CPEB1: variants seen among roughly 807,000 people sequenced by gnomAD.
The protein encoded by CPEB1 is cytoplasmic polyadenylation element-binding protein 1.
Under a neutral mutation model 65.8 loss-of-function variants are expected in CPEB1, and 7 were observed. That is an observed-to-expected ratio of 0.11 (90% confidence interval 0.06 to 0.20). The LOEUF (loss-of-function observed/expected upper bound fraction) is 0.20. CPEB1 is among the 10% of genes least tolerant of loss of function. The pLI, the probability that CPEB1 is intolerant of heterozygous loss-of-function variation, is 1.00. For missense variants in CPEB1, 551 were observed against 712.2 expected, an observed-to-expected ratio of 0.77 and a Z score of 2.58; for synonymous variants, 262 against 260.0, an observed-to-expected ratio of 1.01 and a Z score of -0.08.
rs1021425618 is a variant in CPEB1, at chr15:82,623,688, T to C, written c.271+3505A>G. Among the ~76,000 whole-genome samples, 8 of 151,938 alleles carry C rather than the reference T, an allele frequency of 5.3e-5. No individual in the cohort carries two copies. In the East Asian group the frequency reaches 1.5e-3, roughly 29 times the overall value. ...GGGACTCCGTCTCAGGAAAAAAAAA[T>C]TACCCATAATTTTTTTCTGCTATTA... is the stretch of plus-strand genomic sequence containing the variant. On this transcript the variant is annotated intron_variant, in intron 3 of 12. Transcript: ENST00000684509.
At chr15:82,635,808 G>T (rs1297019853) in intron 1 of CPEB1, among the ~76,000 whole-genome samples, 1 of 152,168 alleles carries the variant, frequency 6.6e-6, no homozygotes, top group Admixed American at 6.5e-5. Flanking sequence ...AGATGTTTTG[G>T]CTAGAGAATA....
chr15:82,585,129 G>A (rs1234508611), intron 3 of CPEB1, among the ~76,000 whole-genome samples: 1 of 151,944 alleles, frequency 6.6e-6, no homozygotes, highest in Non-Finnish European at 1.5e-5. Context: ...TGACTTTGGA[G>A]GGCATTTAGC....
intron 1 of CPEB1, among the ~76,000 whole-genome samples, chr15:82,636,017 C>A (rs1282973811): frequency 6.6e-6 from 1 of 152,112 alleles, no homozygotes; most frequent in African/African-American, 2.4e-5. Context: ...ATAAATCCAT[C>A]AACAGATACA....
intron 10 of CPEB1, 119 bp downstream of exon 10, chr15:82,549,341 A>T: frequency 1.1e-6 from 1 of 907,666 alleles, no homozygotes; most frequent in Non-Finnish European, 1.7e-6. Flanking sequence ...TGGTGCTGGT[A>T]TATGCTGATC....
chr15:82,648,776 G>A (rs2047768972), upstream of CPEB1: 1 of 152,250 alleles, frequency 6.6e-6, no homozygotes, highest in Admixed American at 6.5e-5. Context: ...AGGATGATGC[G>A]ACCTGATACC....
intron 3 of CPEB1, among the ~76,000 whole-genome samples, chr15:82,594,590 T>C (rs2042533504): frequency 6.6e-6 from 1 of 152,228 alleles, no homozygotes; most frequent in Non-Finnish European, 1.5e-5. Flanking sequence ...TGCTTTCTTA[T>C]CATTCATGTG....
At chr15:82,554,396 T>C (rs2036818836) in intron 6 of CPEB1, among the ~76,000 whole-genome samples, 1 of 152,256 alleles carries the variant, frequency 6.6e-6, no homozygotes, top group South Asian at 2.1e-4. Context: ...CTGGTACAAA[T>C]GGGCCTTCTC....
chr15:82,587,157 C>A (rs1406649218), intron 3 of CPEB1, among the ~76,000 whole-genome samples: 1 of 152,074 alleles, frequency 6.6e-6, no homozygotes, highest in Non-Finnish European at 1.5e-5. Context: ...ATTACAGTTA[C>A]AATATTCAAT....
At chr15:82,589,415 C>T (rs1172708892) in intron 3 of CPEB1, among the ~76,000 whole-genome samples, 2 of 152,200 alleles carry the variant, frequency 1.3e-5, no homozygotes, top group East Asian at 3.8e-4. Context: ...TTCCTTATCA[C>T]ATCCCATTGC....
At chr15:82,544,869 C>T (rs997306367) in intron 12 of CPEB1, among the ~76,000 whole-genome samples, 167 bp from the exon 13 acceptor site, 2 of 152,110 alleles carry the variant, frequency 1.3e-5, no homozygotes, top group African/African-American at 4.8e-5. Flanking sequence ...AACACAGAAG[C>T]CTGATTAACT....
At chr15:82,648,094 C>T, upstream of CPEB1, 2 of 372,896 alleles carry the variant, frequency 5.4e-6, no homozygotes, top group East Asian at 3.9e-5. Context: ...TCGCGCCCCG[C>T]CCCTCCTAGC....
intron 3 of CPEB1, among the ~76,000 whole-genome samples, chr15:82,592,640 G>A (rs906571214): frequency 1.3e-5 from 2 of 151,166 alleles, no homozygotes; most frequent in African/African-American, 2.4e-5. Flanking sequence ...TAGCATTGAT[G>A]TCTTTTTAAG....
At chr15:82,545,643 T>C (rs1016890062) in intron 12 of CPEB1, among the ~76,000 whole-genome samples, 14 of 152,136 alleles carry the variant, frequency 9.2e-5, no homozygotes, top group African/African-American at 3.4e-4. Flanking sequence ...CACATCCAGA[T>C]CCACATTCCA....
chr15:82,640,346 T>C (rs1396815518), intron 1 of CPEB1, among the ~76,000 whole-genome samples: 1 of 152,158 alleles, frequency 6.6e-6, no homozygotes, highest in Non-Finnish European at 1.5e-5. Context: ...GTGCATGCCT[T>C]TTTATACTCA....
intron 3 of CPEB1, among the ~76,000 whole-genome samples, chr15:82,592,234 C>T (rs2042315189): frequency 1.3e-5 from 2 of 152,126 alleles, no homozygotes; most frequent in Non-Finnish European, 2.9e-5. Context: ...CAGTTGCAGA[C>T]CACCTCAAAG....
intron 1 of CPEB1, among the ~76,000 whole-genome samples, chr15:82,646,676 A>G (rs1016379953): frequency 1.3e-5 from 2 of 152,106 alleles, no homozygotes; most frequent in Non-Finnish European, 2.9e-5. Context: ...CACGGGGTCA[A>G]CGCGGGGCCG....
intron 3 of CPEB1, among the ~76,000 whole-genome samples, chr15:82,610,699 T>A (rs1471733243): frequency 6.6e-6 from 1 of 152,010 alleles, no homozygotes; most frequent in Non-Finnish European, 1.5e-5. Context: ...CACTCACGCC[T>A]GTAATCCCAG....
intron 3 of CPEB1, among the ~76,000 whole-genome samples, chr15:82,614,109 G>T (rs1265582049): frequency 2.6e-5 from 4 of 152,086 alleles, no homozygotes; most frequent in Admixed American, 2.0e-4. Flanking sequence ...GCTGGAAAGG[G>T]ACTGGCCTCC....
intron 1 of CPEB1, chr15:82,637,956 G>A (rs1439881440): frequency 2.2e-6 from 1 of 451,816 alleles, no homozygotes; most frequent in East Asian, 7.0e-5. Context: ...TTAACACAAT[G>A]ATTTTCCAAG....
Sources: allele counts gnomAD v4.1 joint callset (sites outside exome capture counted in the v4.1 genomes callset), GRCh38; gene constraint gnomAD v4.1.1; transcripts MANE v1.5; gene names NCBI Gene and HGNC (gene_info 2026-07-23, HGNC 2026-07-21).